GIT1: variants seen among roughly 807,000 people sequenced by gnomAD.
GIT1 encodes GIT ArfGAP 1.
A neutral mutation model predicts 91.7 loss-of-function variants in GIT1; 14 were observed. That is an observed-to-expected ratio of 0.15 (90% CI 0.10 to 0.24). GIT1 has a LOEUF of 0.24. Among genes scored for constraint, GIT1 ranks in the 10% least tolerant of loss-of-function variants. The pLI is 1.00. For synonymous variants in GIT1, 414 were observed against 418.2 expected (o/e 0.99, Z 0.12); for missense variants, 717 against 1,024.9 (o/e 0.70, Z 4.10).
chr17:29,582,217 G>T, intron 4 of GIT1, 73 bp from the exon 5 acceptor site: 1 of 1,177,090 alleles, frequency 8.5e-7, no homozygotes, highest in Non-Finnish European at 1.2e-6. Flanking sequence ...GCTGCACCCT[G>T]GCTGCCCCTG....
chr17:29,588,837 T>TG (rs1227374876), intron 1 of GIT1, among the ~76,000 whole-genome samples: 2 of 152,312 alleles, frequency 1.3e-5, no homozygotes, highest in South Asian at 4.1e-4. Context: ...CAGGCCCCAC[T>TG]GGCGCATCTG....
At position 29,575,496 on chromosome 17, in the gene GIT1, G is replaced by C; in HGVS notation, c.1827-26C>G. 6.3e-7 allele frequency: 1 copy of C among 1,590,838 alleles called. No homozygotes were observed. Among genetic ancestry groups the C allele is most frequent in the Non-Finnish European group, 8.6e-7 (1 of 1,167,242 alleles). On this transcript the variant is annotated intron_variant, in intron 17 of 19. Transcript: ENST00000225394. The surrounding 1 kb of genome is among the most constrained non-coding windows in gnomAD (Gnocchi z 5.5). ...CTGAGGCCCAGGTCCAGAAAACAGA[G>C]ACAAAGATACATATAGAGAAAGACA...
intron 1 of GIT1, among the ~76,000 whole-genome samples, chr17:29,586,142 G>A (rs1050626759): frequency 5.9e-5 from 9 of 152,170 alleles, no homozygotes; most frequent in Admixed American, 1.3e-4. Flanking sequence ...TACCTCTGGG[G>A]TGCACGGACT....
chr17:29,580,687 A>G (rs976344133), intron 7 of GIT1, among the ~76,000 whole-genome samples: 4 of 152,122 alleles, frequency 2.6e-5, no homozygotes, highest in Admixed American at 6.5e-5. Context: ...CGAAGAGCAG[A>G]GGCTTCTCTA....
intron 7 of GIT1, chr17:29,579,410 G>A (rs902324089): frequency 1.4e-5 from 3 of 220,154 alleles, no homozygotes; most frequent in Non-Finnish European, 2.7e-5. Flanking sequence ...AGGCACTGCA[G>A]TGATAACAGG....
chr17:29,578,842 T>C (rs1365059524), intron 7 of GIT1, 63 bp from the exon 8 acceptor site: 3 of 1,572,188 alleles, frequency 1.9e-6, no homozygotes, highest in Non-Finnish European at 2.6e-6. Flanking sequence ...GCCAGGCCCA[T>C]GCCAGCAACC....
At chr17:29,583,761 C>T (rs533745831) in intron 1 of GIT1, 145 bp from the exon 2 acceptor site, 21 of 894,736 alleles carry the variant, frequency 2.3e-5, no homozygotes, top group East Asian at 5.3e-5. Flanking sequence ...ACCATCACTA[C>T]GGCCAGGTTA....
intron 2 of GIT1, among the ~76,000 whole-genome samples, 185 bp downstream of exon 2, chr17:29,583,298 T>C (rs1375186635): frequency 1.3e-5 from 2 of 152,146 alleles, no homozygotes; most frequent in Non-Finnish European, 2.9e-5. Context: ...GGGTGTGAGC[T>C]ACTCTTCTGC....
chr17:29,581,734 C>G lies in GIT1; in HGVS notation c.718+8G>C, dbSNP rs557273769. On this transcript the variant is annotated splice_region_variant and intron_variant, in intron 6 of 19. Coordinates refer to ENST00000225394, the MANE Select transcript of GIT1 (RefSeq NM_014030.4). This position sits in a 1 kb window ranked among gnomAD's most constrained non-coding sequence, Gnocchi z 4.8. ...GTCACAGCCAGGCGCCCCCCAAGCT[C>G]TGCTCACCCGGCTTGCGTCCACAGA... 1 of 1,607,014 alleles carries G rather than the reference C, an allele frequency of 6.2e-7. No individual in the cohort carries two copies. The highest frequency in any genetic ancestry group is 1.1e-5 in the South Asian group (1 of 90,948).
intron 1 of GIT1, 63 bp from the exon 2 acceptor site, chr17:29,583,679 G>C (rs2033482123): frequency 6.6e-7 from 1 of 1,513,500 alleles, no homozygotes; most frequent in East Asian, 2.5e-5. Flanking sequence ...CTGAGCACCT[G>C]CTCTGGCCCG....
intron 2 of GIT1, 128 bp from the exon 3 acceptor site, chr17:29,583,165 C>T (rs1045588653): frequency 1.5e-6 from 1 of 670,944 alleles, no homozygotes; most frequent in Non-Finnish European, 2.7e-6. Flanking sequence ...TGTGTGCCCG[C>T]ACCACCACAC....
Position 29,582,939 on chromosome 17 carries a change from G to T in GIT1, c.285C>A (p.Pro95=). Residue 95 remains proline, a synonymous_variant, in exon 3 of 20, where the codon CCC becomes CCA. Transcript: ENST00000225394. Reference sequence around the variant, plus strand: ...GCCCCACTCACTGGACTTTGTCTTGGGGGTTGGCTTTACGCCGGCCGCTCT... The same window carrying T: ...GCCCCACTCACTGGACTTTGTCTTGTGGGTTGGCTTTACGCCGGCCGCTCT... ...QVQSGRRKAN[P]QDKVHPIKSE... 1 of 1,610,368 alleles carries T rather than the reference G, an allele frequency of 6.2e-7. No individual in the cohort carries two copies.
chr17:29,581,904 T>C lies in GIT1; in HGVS notation c.623+23A>G. 1 of 911,304 alleles carries C rather than the reference T, an allele frequency of 1.1e-6. No homozygotes were observed. The highest frequency in any genetic ancestry group is 1.7e-6 in the Non-Finnish European group (1 of 603,414). The allele number at this position is 911,304 out of a possible 1,614,324, so 56.5% of individuals were successfully genotyped here. ...CACCCACACCCCCACCCACCCACAC[T>C]GCACCCTTCAGCCGACCCTCACCTG... On this transcript the variant is annotated intron_variant, in intron 5 of 19. Transcript: ENST00000225394. This position sits in a 1 kb window ranked among gnomAD's most constrained non-coding sequence, Gnocchi z 4.8.
At chr17:29,583,109 G>A (rs911211969) in intron 2 of GIT1, 72 bp from the exon 3 acceptor site, 30 of 1,020,412 alleles carry the variant, frequency 2.9e-5, no homozygotes, top group African/African-American at 2.4e-4. Context: ...CTTCCTGAGC[G>A]CCTGCTGTGG....
Position 29,583,850 on chromosome 17 carries a change from G to GA in GIT1, c.53-235dup, listed in dbSNP as rs756284445. On this transcript the variant is annotated intron_variant, in intron 1 of 19. Transcript: ENST00000225394. ...CTTTCCTACATCCTTACCCCTCTGG[G>GA]ATATGCAGTCCCCAGGGCCCATTCA... is the stretch of plus-strand genomic sequence containing the variant. The GA allele has an allele frequency of 4.3e-5, 24 of 556,902 alleles. No homozygotes were observed. The South Asian group carries it at 5.7e-4, about 13-fold the overall frequency. 34.5% of individuals were successfully genotyped at this position (556,902 alleles called of 1,614,324 possible).
rs147084039 is a variant in GIT1, at chr17:29,587,168, G to A, written c.52+2159C>T. On this transcript the variant is annotated intron_variant, in intron 1 of 19. Coordinates refer to ENST00000225394, the MANE Select transcript of GIT1 (RefSeq NM_014030.4). ...GGGGCTGGCACTGGATCTGGACTCC[G>A]GACTGCTGGGTACCCTCATGCCTCT... Among the ~76,000 whole-genome samples, 95 of 152,244 alleles carry A rather than the reference G, an allele frequency of 6.2e-4. No individual in the cohort carries two copies. In the East Asian group the frequency reaches 0.017, roughly 28 times the overall value.
chr17:29,576,110 A>G lies in GIT1; in HGVS notation c.1633T>C (p.Tyr545His). The G allele has an allele frequency of 6.2e-7, 1 of 1,613,788 alleles. No homozygotes were observed. Residue 545 changes from tyrosine to histidine, a missense_variant, in exon 15 of 20, where the codon TAT becomes CAT. This residue lies in a region of GIT1 where 312 missense variants were observed against 349.5 expected (regional missense o/e 0.89). Transcript: ENST00000225394. ...HSTELEDDAI[Y>H]SVHVPAGLYR... ...AGGCCAGCAGGGACGTGCACTGAATAGATGGCGTCGTCCTCTAGCTCCTGG... is the reference window on the plus strand; with the variant it reads ...AGGCCAGCAGGGACGTGCACTGAATGGATGGCGTCGTCCTCTAGCTCCTGG...
chr17:29,579,148 CCCT>C, intron 7 of GIT1: 1 of 652,606 alleles, frequency 1.5e-6, no homozygotes, highest in Non-Finnish European at 2.8e-6. Flanking sequence ...CGTCCCCCAC[CCCT>C]CCTCCTCTGG....
chr17:29,583,423 C>T, intron 2 of GIT1, 60 bp downstream of exon 2: 1 of 1,574,196 alleles, frequency 6.4e-7, no homozygotes, highest in Non-Finnish European at 8.6e-7. Context: ...GGGGAAACGC[C>T]CTCATGCTCA....
Sources: gnomAD v4.1 joint callset for allele counts (sites outside exome capture counted in the v4.1 genomes callset) on GRCh38, gnomAD v4.1.1 for gene constraint, gnomAD v4.1.1 regional missense constraint, Gnocchi (gnomAD v3.1) non-coding constraint, MANE v1.5 for transcripts, NCBI Gene and HGNC (gene_info 2026-07-23, HGNC 2026-07-21) for gene names.